The following USP35 variants were observed in gnomAD, a reference collection of about 807,000 sequenced individuals.
The protein encoded by USP35 is ubiquitin specific peptidase 35.
USP35 carries 69 observed loss-of-function variants against 83.8 expected under a neutral mutation model. The ratio of observed to expected loss-of-function variants is 0.82; its 90% CI spans 0.68 to 1.01. USP35 has a LOEUF of 1.01. Ranked by LOEUF, USP35 falls within the 50% of genes least tolerant of loss-of-function variation. USP35 has a pLI of 0.00. For missense variants in USP35, 1,503 were observed against 1,362.5 expected (o/e 1.10, Z -1.62); for synonymous variants, 714 against 589.5 (o/e 1.21, Z -3.06).
rs1196016168 is a variant in USP35, at chr11:78,207,731, C to G, written c.1485+108C>G. The G allele has an allele frequency of 3.5e-6, 4 of 1,152,106 alleles. No individual in the cohort carries two copies. The East Asian group carries it at 7.4e-5, about 21-fold the overall frequency. 71.4% of individuals were successfully genotyped at this position (1,152,106 alleles called of 1,614,324 possible). A position where few individuals can be genotyped will look rare whatever the true frequency, so the allele number is the denominator to read the frequency against. On this transcript the variant is annotated intron_variant, in intron 8 of 10. Transcript: ENST00000529308. ...CTGCCTGCATCTGGCTGTCATCTCC[C>G]ATGTCAGTTGCTGAGCCCCTGGCCG...
chr11:78,206,153 C>T, intron 7 of USP35, 118 bp downstream of exon 7: 5 of 1,281,284 alleles, frequency 3.9e-6, no homozygotes, highest in Non-Finnish European at 5.4e-6. Flanking sequence ...CTTTGCATTG[C>T]CAGCATGATT....
chr11:78,223,737 G>GT, the USP35 span: 1 of 1,362,444 alleles, frequency 7.3e-7, no homozygotes, highest in Non-Finnish European at 1.0e-6. Flanking sequence ...CAGGAAGGGG[G>GT]TAAGACTTTG....
At position 78,207,560 on chromosome 11, in the gene USP35, G is replaced by C. The variant is rs746500599; in HGVS notation, c.1422G>C (p.Glu474Asp). 2 of 1,614,032 alleles carry C rather than the reference G, an allele frequency of 1.2e-6. No homozygotes were observed. The change falls in exon 8 of 11, where the codon GAG becomes GAC. Residue 474 changes from glutamate to aspartate, a missense_variant. By Grantham distance (45) the Glu-to-Asp change is conservative. Transcript: ENST00000529308. Reference sequence around the variant, plus strand: ...GACATTGTGTGCTCCGCTTGACTGAGAACAACTCACAGCCCCTGATGACCA... The same window carrying C: ...GACATTGTGTGCTCCGCTTGACTGACAACAACTCACAGCCCCTGATGACCA... ...DFRHCVLRLT[E>D]NNSQPLMTKL...
At chr11:78,219,354 T>G, downstream of USP35, 1 of 1,613,876 alleles carries the variant, frequency 6.2e-7, no homozygotes, top group Non-Finnish European at 8.5e-7. Flanking sequence ...GGCCTGGGTC[T>G]TCTCCTTGTC....
chr11:78,191,832 G>A (rs947873415), intron 1 of USP35, among the ~76,000 whole-genome samples: 2 of 151,392 alleles, frequency 1.3e-5, no homozygotes, highest in Non-Finnish European at 1.5e-5. Context: ...ATGACAGCCC[G>A]GCCCTCATCT....
Position 78,196,876 on chromosome 11 carries a change from C to A in USP35, c.631C>A (p.Leu211Met). The change falls in exon 2 of 11, where the codon CTG becomes ATG. Residue 211 changes from leucine to methionine, a missense_variant. By Grantham distance (15) the Leu-to-Met change is conservative. Coordinates refer to ENST00000529308, the MANE Select transcript of USP35 (RefSeq NM_020798.4). The surrounding 1 kb of genome is among the most constrained non-coding windows in gnomAD (Gnocchi z 4.8). The part of the protein sequence containing the change: ...QLWRAQPAAI[L>M]PCLKELFAVI... ...GTGGCGCGCACAGCCCGCCGCCATC[C>A]TGCCCTGCCTCAAAGAGCTGTTCGC... The A allele has an allele frequency of 6.8e-7, 1 of 1,474,176 alleles. No homozygotes were observed. The highest frequency in any genetic ancestry group is 9.0e-7 in the Non-Finnish European group (1 of 1,116,446). The allele number at this position is 1,474,176 out of a possible 1,614,324, so 91.3% of individuals were successfully genotyped here.
intron 7 of USP35, among the ~76,000 whole-genome samples, chr11:78,207,005 C>G (rs577706899): frequency 6.6e-6 from 1 of 152,338 alleles, no homozygotes; most frequent in African/African-American, 2.4e-5. Context: ...GGCAGGGGAA[C>G]AGCTTGAGAT....
rs2134415701 is a variant in USP35 at position 78,210,281 on chromosome 11, T to C, written c.2426T>C (p.Leu809Pro). 1 of 1,614,142 alleles carries C rather than the reference T, an allele frequency of 6.2e-7. No homozygotes were observed. Among genetic ancestry groups the C allele is most frequent in the East Asian group, 2.2e-5 (1 of 44,880 alleles). The change falls in exon 10 of 11, where the codon CTG becomes CCG. Residue 809 changes from leucine to proline, a missense_variant. Leu to Pro is a moderately conservative substitution (Grantham distance 98). Coordinates refer to ENST00000529308, the MANE Select transcript of USP35 (RefSeq NM_020798.4). The stretch of plus-strand genomic sequence containing the variant: ...CCGTGCTACCTCATCCTCACACTGC[T>C]GCGCTTCTCTTTCGACCTGCGCACC... Reference protein sequence around the residue: ...QGPCYLILTLLRFSFDLRTMR... With the variant: ...QGPCYLILTLPRFSFDLRTMR...
chr11:78,189,482 G>A (rs1862934491), intron 1 of USP35, among the ~76,000 whole-genome samples: 3 of 152,202 alleles, frequency 2.0e-5, no homozygotes, highest in South Asian at 2.1e-4. Context: ...CGGGTGCACT[G>A]GAGGGAGGGA....
chr11:78,198,758 T>G, intron 3 of USP35: 1 of 946,974 alleles, frequency 1.1e-6, no homozygotes, highest in South Asian at 4.9e-5. Flanking sequence ...TACCACTTCT[T>G]GCCTGTGCGA....
the USP35 span, among the ~76,000 whole-genome samples, chr11:78,236,110 A>G: frequency 1.3e-5 from 2 of 152,196 alleles, no homozygotes; most frequent in African/African-American, 4.8e-5. Flanking sequence ...TTAGGTCTTT[A>G]ATTTCTACCA....
At chr11:78,202,664 CTT>C (rs1863391207) in intron 6 of USP35, among the ~76,000 whole-genome samples, 1 of 152,212 alleles carries the variant, frequency 6.6e-6, no homozygotes, top group South Asian at 2.1e-4. Context: ...GTTTTTCAAA[CTT>C]AACACGAGAA....
the USP35 span, among the ~76,000 whole-genome samples, chr11:78,229,460 C>T: frequency 2.8e-4 from 43 of 152,146 alleles, no homozygotes; most frequent in Non-Finnish European, 5.3e-4. Flanking sequence ...CCTGCAATAA[C>T]CTTCAACATA....
chr11:78,228,285 CT>C, the USP35 span, among the ~76,000 whole-genome samples: 14 of 152,332 alleles, frequency 9.2e-5, no homozygotes, highest in South Asian at 2.5e-3. Context: ...GGATTTAGGT[CT>C]GCTTCTTTAG....
chr11:78,223,422 A>G, the USP35 span: 9 of 1,525,490 alleles, frequency 5.9e-6, no homozygotes, highest in Non-Finnish European at 7.9e-6. Flanking sequence ...CTTTCCGATC[A>G]GGTTTGAGGT....
chr11:78,227,647 A>AAAAAAAAAAAAAAAAAC, the USP35 span, among the ~76,000 whole-genome samples: 1 of 151,210 alleles, frequency 6.6e-6, no homozygotes. Context: ...AAAAAAAAAA[A>AAAAAAAAAAAAAAAAAC]GAACTAGCTG....
rs1030773575 is a variant in USP35, at chr11:78,214,481, C to G, written c.*668C>G. ...CTGAGAAGCCACCACTTGTATCCCCCTTGTGGTTAGAGTCCTGATTTTACT... is the reference window on the plus strand; with the variant it reads ...CTGAGAAGCCACCACTTGTATCCCCGTTGTGGTTAGAGTCCTGATTTTACT... On this transcript the variant is annotated 3_prime_UTR_variant, in exon 11 of 11. Transcript: ENST00000529308. 1 of 146,722 alleles carries G rather than the reference C, an allele frequency of 6.8e-6. No individual in the cohort carries two copies. Among genetic ancestry groups the G allele is most frequent in the African/African-American group, 2.6e-5 (1 of 38,778 alleles). The allele number at this position is 146,722 out of a possible 1,614,324, so 9.1% of individuals were successfully genotyped here.
At position 78,209,495 on chromosome 11, in the gene USP35, AG is replaced by A. The variant is rs1863652404; in HGVS notation, c.1641del (p.Lys547AsnfsTer28). The part of the protein sequence containing the change: ...KTGTRICQKL[K>X]QSSSPSPPEE... ...GGCACAAGGATCTGCCAGAAACTCA[AG>A]CAGTCCAGCTCGCCCTCTCCGCCCG... On this transcript the variant is annotated frameshift_variant, in exon 10 of 11. Coordinates refer to ENST00000529308, the MANE Select transcript of USP35 (RefSeq NM_020798.4). LOFTEE classifies it high-confidence loss of function. The A allele has an allele frequency of 6.2e-7, 1 of 1,613,416 alleles. No homozygotes were observed. Among genetic ancestry groups the A allele is most frequent in the African/African-American group, 1.3e-5 (1 of 74,880 alleles).
intron 1 of USP35, among the ~76,000 whole-genome samples, chr11:78,193,906 C>G (rs1863070141): frequency 1.3e-5 from 2 of 152,370 alleles, no homozygotes; most frequent in South Asian, 4.1e-4. Flanking sequence ...TCTTGCCTTA[C>G]TTCACCCTTG....
Sources: allele counts gnomAD v4.1 joint callset (sites outside exome capture counted in the v4.1 genomes callset), GRCh38; gene constraint gnomAD v4.1.1; non-coding constraint Gnocchi (gnomAD v3.1); transcripts MANE v1.5; gene names NCBI Gene and HGNC (gene_info 2026-07-23, HGNC 2026-07-21).